ZZEF1: variants seen among roughly 807,000 people sequenced by gnomAD.
ZZEF1 encodes the protein zinc finger ZZ-type and EF-hand domain-containing protein 1.
A neutral mutation model predicts 342.8 loss-of-function variants in ZZEF1; 157 were observed. The observed-to-expected ratio is 0.46, with a 90% CI of 0.40 to 0.52. The LOEUF (loss-of-function observed/expected upper bound fraction) is 0.52, where lower values mean the gene tolerates loss of function less well. Ranked by LOEUF, ZZEF1 falls within the 20% of genes least tolerant of loss-of-function variation. The pLI, the probability that ZZEF1 is intolerant of heterozygous loss-of-function variation, is 0.00. For missense variants in ZZEF1, 3,480 were observed against 3,725.6 expected, an observed-to-expected ratio of 0.93 and a Z score of 1.72; for synonymous variants, 1,505 against 1,429.1, an observed-to-expected ratio of 1.05 and a Z score of -1.20.
At chr17:4,064,082 TGTTGCCCAG>T (rs1165651566) in intron 29 of ZZEF1, among the ~76,000 whole-genome samples, 1 of 151,460 alleles carries the variant, frequency 6.6e-6, no homozygotes, top group African/African-American at 2.4e-5. Context: ...GGTCTCACTA[TGTTGCCCAG>T]GTTGGTCTTG....
intron 1 of ZZEF1, among the ~76,000 whole-genome samples, chr17:4,137,932 A>G (rs1048699539): frequency 3.3e-5 from 5 of 152,370 alleles, no homozygotes; most frequent in Admixed American, 6.5e-5. Context: ...AACTGATAGC[A>G]AGGTCCATAC....
intron 37 of ZZEF1, among the ~76,000 whole-genome samples, chr17:4,045,830 GT>G (rs35957444): frequency 0.46 from 62,694 of 137,046 alleles, 14,433 homozygotes; most frequent in African/African-American, 0.66. Context: ...TTTTGTTCTT[GT>G]TTTTTTTTTT....
At chr17:4,121,354 T>C (rs750839327) in intron 2 of ZZEF1, among the ~76,000 whole-genome samples, 11 of 152,238 alleles carry the variant, frequency 7.2e-5, no homozygotes, top group Admixed American at 2.0e-4. Context: ...CCGGGTGCAG[T>C]GGCTCACGCC....
At position 4,126,747 on chromosome 17, in the gene ZZEF1, C is replaced by G. The variant is rs541549607; in HGVS notation, c.355-2696G>C. Among the ~76,000 whole-genome samples the G allele has an allele frequency of 4.9e-3, 740 of 152,294 alleles. 9 individuals carry two copies. The highest frequency in any genetic ancestry group is 5.9e-3 in the Non-Finnish European group (404 of 68,014). On this transcript the variant is annotated intron_variant, in intron 1 of 54. Transcript: ENST00000381638. ...AAGTGCCTCCCAAAAGGGTGGATCA[C>G]TTCAGGCCAGGAGTTCAAGACCAGC...
intron 31 of ZZEF1, among the ~76,000 whole-genome samples, chr17:4,058,859 G>C (rs778455737): frequency 5.3e-5 from 8 of 152,160 alleles, no homozygotes; most frequent in Non-Finnish European, 8.8e-5. Flanking sequence ...CTGGGTGACA[G>C]CATGAGGCCG....
chr17:4,032,394 T>G, intron 41 of ZZEF1, 136 bp from the exon 42 acceptor site: 2 of 990,800 alleles, frequency 2.0e-6, no homozygotes, highest in Non-Finnish European at 2.9e-6. Context: ...TTCTCATCTC[T>G]AAGTCCAAAG....
chr17:4,033,751 C>A, intron 40 of ZZEF1: 1 of 505,240 alleles, frequency 2.0e-6, no homozygotes, highest in South Asian at 2.6e-5. Context: ...ACTTACCGCT[C>A]ATTAAAAACA....
chr17:4,076,802 G>T lies in ZZEF1; in HGVS notation c.3112-43C>A, dbSNP rs761952013. On this transcript the variant is annotated intron_variant, in intron 20 of 54. Coordinates refer to ENST00000381638, the MANE Select transcript of ZZEF1 (RefSeq NM_015113.4). ...AAGCACTCAGCGTCCACCTTAGGCT[G>T]GGCCTGGGGATGCAGACCCCCAACC... 3.1e-6 allele frequency: 5 copies of T among 1,611,182 alleles called. No homozygotes were observed. The South Asian group carries it at 5.5e-5, about 18-fold the overall frequency.
intron 18 of ZZEF1, among the ~76,000 whole-genome samples, chr17:4,081,148 G>A (rs1001338881): frequency 1.3e-5 from 2 of 152,044 alleles, no homozygotes; most frequent in African/African-American, 4.8e-5. Context: ...GAGGTGGGAG[G>A]ACTGCTTGGG....
At chr17:4,058,358 A>G (rs1395471165) in intron 31 of ZZEF1, among the ~76,000 whole-genome samples, 1 of 152,216 alleles carries the variant, frequency 6.6e-6, no homozygotes, top group African/African-American at 2.4e-5. Context: ...GTGTAAAGTA[A>G]GGTTTCCACC....
intron 33 of ZZEF1, among the ~76,000 whole-genome samples, chr17:4,054,765 T>C (rs2057120942): frequency 1.3e-5 from 2 of 152,154 alleles, no homozygotes; most frequent in South Asian, 4.2e-4. Flanking sequence ...AGTGCTCTTC[T>C]GGAAGTTGAG....
chr17:4,039,468 T>TCAAACAAACAAA lies in ZZEF1; in HGVS notation c.6306+2949_6306+2960dup, dbSNP rs113389421. On this transcript the variant is annotated intron_variant, in intron 39 of 54. Transcript: ENST00000381638. Reference sequence around the variant, plus strand: ...CTGGGGGACAGAGTGAGACACCATCTCAAACAAACAAACAAACAAACAAAC... The same window carrying TCAAACAAACAAA: ...CTGGGGGACAGAGTGAGACACCATCTCAAACAAACAAACAAACAAACAAACAAACAAACAAAC... Among the ~76,000 whole-genome samples the TCAAACAAACAAA allele has an allele frequency of 3.4e-3, 504 of 150,162 alleles. 3 individuals are homozygous for TCAAACAAACAAA. Among genetic ancestry groups the TCAAACAAACAAA allele is most frequent in the African/African-American group, 0.012 (479 of 40,324 alleles).
At position 4,090,262 on chromosome 17, in the gene ZZEF1, C is replaced by A. The variant is rs1203056838; in HGVS notation, c.2025+457G>T. On this transcript the variant is annotated intron_variant, in intron 12 of 54. Transcript: ENST00000381638. ...AAGGATGCTGTGTTCTCACTATTCTCTCAGCCTGAGGCGCCCTCCTCCACA... is the reference window on the plus strand; with the variant it reads ...AAGGATGCTGTGTTCTCACTATTCTATCAGCCTGAGGCGCCCTCCTCCACA... 8.5e-5 allele frequency among the ~76,000 whole-genome samples: 12 copies of A among 140,686 alleles called. No individual in the cohort carries two copies. The South Asian group carries it at 9.4e-4, about 11-fold the overall frequency. 92.3% of individuals were successfully genotyped at this position (140,686 alleles called of 152,430 possible). A position where few individuals can be genotyped will look rare whatever the true frequency, so the allele number is the denominator to read the frequency against.
intron 2 of ZZEF1, among the ~76,000 whole-genome samples, chr17:4,120,837 C>T (rs951703310): frequency 2.6e-5 from 4 of 152,194 alleles, no homozygotes; most frequent in African/African-American, 9.7e-5. Flanking sequence ...TATGCTGAAA[C>T]ATTTGGTAAA....
chr17:4,089,822 C>G (rs540008771), intron 12 of ZZEF1, among the ~76,000 whole-genome samples: 4 of 26,792 alleles, frequency 1.5e-4, no homozygotes, highest in African/African-American at 4.1e-4. Context: ...CCTCCACACA[C>G]TGCAGCCTGG....
chr17:4,041,105 T>C (rs977305501), intron 39 of ZZEF1, among the ~76,000 whole-genome samples: 3 of 152,176 alleles, frequency 2.0e-5, no homozygotes, highest in Admixed American at 6.5e-5. Flanking sequence ...GACTGCACTG[T>C]CCAAGCCTGA....
chr17:4,132,166 T>C (rs2145589185), intron 1 of ZZEF1, among the ~76,000 whole-genome samples: 1 of 151,768 alleles, frequency 6.6e-6, no homozygotes, highest in South Asian at 2.1e-4. Context: ...ACCGTGTGCA[T>C]GTACAACTGA....
At chr17:4,105,839 G>T in intron 6 of ZZEF1, 30 bp from the exon 7 acceptor site, 1 of 1,557,766 alleles carries the variant, frequency 6.4e-7, no homozygotes, top group Non-Finnish European at 8.7e-7. Flanking sequence ...AATGTAATCA[G>T]AACAAAACCA....
chr17:4,024,873 C>A, intron 43 of ZZEF1, 46 bp downstream of exon 43: 1 of 1,579,336 alleles, frequency 6.3e-7, no homozygotes. Context: ...ATGCAGATGT[C>A]AAATTATAGC....
Sources: allele counts gnomAD v4.1 joint callset (sites outside exome capture counted in the v4.1 genomes callset), GRCh38; gene constraint gnomAD v4.1.1; transcripts MANE v1.5; gene names NCBI Gene and HGNC (gene_info 2026-07-23, HGNC 2026-07-21).